PLXDC1: variants seen among roughly 807,000 people sequenced by gnomAD.
PLXDC1 encodes the protein plexin domain-containing protein 1.
In PLXDC1, 39 loss-of-function variants were observed where a neutral mutation model predicts 61.3. The ratio of observed to expected loss-of-function variants is 0.64; its 90% CI spans 0.49 to 0.83. PLXDC1 has a LOEUF of 0.83. PLXDC1 is among the 40% of genes least tolerant of loss of function. The pLI, the probability that PLXDC1 is intolerant of heterozygous loss-of-function variation, is 0.00. For synonymous variants in PLXDC1, 212 were observed against 254.5 expected, an observed-to-expected ratio of 0.83 and a Z score of 1.59; for missense variants, 596 against 666.5, an observed-to-expected ratio of 0.89 and a Z score of 1.17.
chr17:39,152,197 A>C (rs1433900929), upstream of PLXDC1, among the ~76,000 whole-genome samples: 26 of 120,232 alleles, frequency 2.2e-4, no homozygotes, highest in African/African-American at 8.3e-4. Flanking sequence ...CCCCATTTCC[A>C]GCACCGATTT....
At chr17:39,152,381 A>G, upstream of PLXDC1, 1 of 563,654 alleles carries the variant, frequency 1.8e-6, no homozygotes, top group Non-Finnish European at 2.6e-6. Flanking sequence ...AGACGAGGAA[A>G]TGGCTCACCC....
rs117939446 is a variant in PLXDC1, at chr17:39,125,413, T to C, written c.255+14241A>G. Among the ~76,000 whole-genome samples, 369 of 151,946 alleles carry C rather than the reference T, an allele frequency of 2.4e-3. 1 individual carries two copies. The highest frequency in any genetic ancestry group is 7.4e-3 in the Admixed American group (112 of 15,202). ...CTTGTACAGAGGATATGGACTGGCATTGGGGGTATTAAGCATTTCTTAATA... is the reference window on the plus strand; with the variant it reads ...CTTGTACAGAGGATATGGACTGGCACTGGGGGTATTAAGCATTTCTTAATA... On this transcript the variant is annotated intron_variant, in intron 2 of 13. Transcript: ENST00000315392.
intron 2 of PLXDC1, among the ~76,000 whole-genome samples, 167 bp from the exon 3 acceptor site, chr17:39,109,558 T>G (rs71369712): frequency 0.018 from 2,809 of 152,064 alleles, 94 homozygotes; most frequent in African/African-American, 0.064. Flanking sequence ...CCCCCTGGAC[T>G]CCCCCTTGGC....
intron 9 of PLXDC1, chr17:39,079,489 G>A (rs756268054): frequency 2.1e-6 from 1 of 479,602 alleles, no homozygotes; most frequent in South Asian, 1.5e-5. Flanking sequence ...GAGAATCCAG[G>A]CAATTCACAT....
chr17:39,151,324 GC>G lies in PLXDC1; in HGVS notation c.76+37del, dbSNP rs1567777065. On this transcript the variant is annotated intron_variant, in intron 1 of 13. Transcript: ENST00000315392. This position sits in a 1 kb window ranked among gnomAD's most constrained non-coding sequence, Gnocchi z 5.2. ...CACACCTGACTGCCCGTCCCTCCCC[GC>G]CCCCGGCCCACCCGGGCCGGCTCCC... is the stretch of plus-strand genomic sequence containing the variant. 6 of 1,255,526 alleles carry G rather than the reference GC, an allele frequency of 4.8e-6. No homozygotes were observed. The highest frequency in any genetic ancestry group is 4.2e-5 in the Admixed American group (1 of 23,894). 77.8% of individuals were successfully genotyped at this position (1,255,526 alleles called of 1,614,324 possible). A position where few individuals can be genotyped will look rare whatever the true frequency, so the allele number is the denominator to read the frequency against.
At position 39,063,532 on chromosome 17, in the gene PLXDC1, G is replaced by C; in HGVS notation, c.*4308C>G. On this transcript the variant is annotated 3_prime_UTR_variant, in exon 14 of 14. Coordinates refer to ENST00000315392, the MANE Select transcript of PLXDC1 (RefSeq NM_020405.5). ...TCAGCGAAGAAGTCGGAGTTCAGCA[G>C]CCATCAGAACCAAGGTATGTGTGGT... The C allele has an allele frequency of 1.4e-6, 1 of 702,794 alleles. No homozygotes were observed. Among genetic ancestry groups the C allele is most frequent in the Non-Finnish European group, 2.6e-6 (1 of 384,952 alleles). The allele number at this position is 702,794 out of a possible 1,614,324, so 43.5% of individuals were successfully genotyped here.
Position 39,110,537 on chromosome 17 carries a change from A to C in PLXDC1, c.256-1146T>G, listed in dbSNP as rs534911930. ...TGGAAGCCCTTCCTGGAGCCGACCC[A>C]AGAGCACCAGCCGCAGGAGGAATGG... On this transcript the variant is annotated intron_variant, in intron 2 of 13. Transcript: ENST00000315392. Among the ~76,000 whole-genome samples the C allele has an allele frequency of 8.2e-4, 125 of 152,338 alleles. 1 individual carries two copies. Among genetic ancestry groups the C allele is most frequent in the African/African-American group, 2.5e-3 (106 of 41,574 alleles).
chr17:39,140,593 C>T (rs559690766), intron 1 of PLXDC1, among the ~76,000 whole-genome samples: 1 of 152,374 alleles, frequency 6.6e-6, no homozygotes, highest in Non-Finnish European at 1.5e-5. Flanking sequence ...GCGTGAGCCA[C>T]CGCGCCTAGC....
chr17:39,151,720 T>C (rs951367027), upstream of PLXDC1: 11 of 237,752 alleles, frequency 4.6e-5, no homozygotes, highest in Admixed American at 3.8e-4. The surrounding 1 kb of genome is among the most constrained non-coding windows in gnomAD (Gnocchi z 5.2). Context: ...CGCGGCGTCG[T>C]TGGGGGCTCT....
intron 1 of PLXDC1, among the ~76,000 whole-genome samples, chr17:39,146,060 C>A (rs572073217): frequency 6.7e-6 from 1 of 148,610 alleles, no homozygotes; most frequent in Non-Finnish European, 1.5e-5. Flanking sequence ...GGCTGCACTT[C>A]GGCCCATTCC....
chr17:39,083,590 T>C, intron 8 of PLXDC1, 50 bp from the exon 9 acceptor site: 1 of 1,398,270 alleles, frequency 7.2e-7, no homozygotes, highest in Non-Finnish European at 1.0e-6. Context: ...CTCCTTGGGC[T>C]CCAAAGGGTG....
chr17:39,124,914 A>G (rs1392641169), intron 2 of PLXDC1, among the ~76,000 whole-genome samples: 1 of 152,164 alleles, frequency 6.6e-6, no homozygotes, highest in Non-Finnish European at 1.5e-5. Flanking sequence ...CCCGGGCTCA[A>G]GTGATCCTCC....
chr17:39,069,464 C>T (rs1001773421), intron 13 of PLXDC1, among the ~76,000 whole-genome samples: 1 of 152,178 alleles, frequency 6.6e-6, no homozygotes, highest in African/African-American at 2.4e-5. Context: ...CTGGTTCCCT[C>T]ATGGCTTTGA....
intron 1 of PLXDC1, among the ~76,000 whole-genome samples, chr17:39,145,208 C>T (rs561048835): frequency 1.3e-5 from 2 of 152,332 alleles, no homozygotes; most frequent in African/African-American, 4.8e-5. Flanking sequence ...GGGCCCTACT[C>T]AGGCTGCCAT....
chr17:39,105,760 A>T, intron 7 of PLXDC1, 94 bp downstream of exon 7: 1 of 725,962 alleles, frequency 1.4e-6, no homozygotes, highest in Admixed American at 2.3e-5. Flanking sequence ...CCCCTTGTCT[A>T]CTCCCTGCCA....
At chr17:39,129,688 A>AAAAGAAAGAAAGAAGGAAAGAAAG (rs1597656684) in intron 2 of PLXDC1, among the ~76,000 whole-genome samples, 5 of 65,024 alleles carry the variant, frequency 7.7e-5, no homozygotes, top group African/African-American at 4.0e-4. Flanking sequence ...AGGGAGAAAG[A>AAAAGAAAGAAAGAAGGAAAGAAAG]AAAGAAAGAA....
chr17:39,117,563 C>T (rs1478480188), intron 2 of PLXDC1, among the ~76,000 whole-genome samples: 1 of 133,010 alleles, frequency 7.5e-6, no homozygotes, highest in Admixed American at 7.1e-5. Flanking sequence ...AGACCCTCCC[C>T]CCAAGTCTAC....
chr17:39,125,278 A>G (rs373367924), intron 2 of PLXDC1, among the ~76,000 whole-genome samples: 9 of 152,218 alleles, frequency 5.9e-5, no homozygotes, highest in African/African-American at 2.2e-4. Context: ...CTGCAAGGGG[A>G]GATCCAGGCT....
At chr17:39,071,291 A>G (rs1909108146) in intron 12 of PLXDC1, among the ~76,000 whole-genome samples, 2 of 151,078 alleles carry the variant, frequency 1.3e-5, no homozygotes, top group African/African-American at 4.9e-5. Flanking sequence ...TCTTCACCCT[A>G]TCCTAAAAGA....
Sources: allele counts gnomAD v4.1 joint callset (sites outside exome capture counted in the v4.1 genomes callset), GRCh38; gene constraint gnomAD v4.1.1; non-coding constraint Gnocchi (gnomAD v3.1); transcripts MANE v1.5; gene names NCBI Gene and HGNC (gene_info 2026-07-23, HGNC 2026-07-21).